The following DENND4A variants were observed in gnomAD, a reference collection of about 807,000 sequenced individuals.
DENND4A encodes C-myc promoter-binding protein.
A neutral mutation model predicts 199.3 loss-of-function variants in DENND4A; 70 were observed. That is an observed-to-expected ratio of 0.35 (90% CI 0.29 to 0.43). DENND4A has a LOEUF of 0.43. Ranked by LOEUF, DENND4A falls within the 20% of genes least tolerant of loss-of-function variation. DENND4A has a pLI of 1.00. For missense variants in DENND4A, 1,723 were observed against 2,255.8 expected, an observed-to-expected ratio of 0.76 and a Z score of 4.78; for synonymous variants, 686 against 766.9, an observed-to-expected ratio of 0.89 and a Z score of 1.74.
chr15:65,715,566 G>A lies in DENND4A; in HGVS notation c.1865C>T (p.Thr622Ile). 1 of 1,603,458 alleles carries A rather than the reference G, an allele frequency of 6.2e-7. No homozygotes were observed. The highest frequency in any genetic ancestry group is 8.5e-7 in the Non-Finnish European group (1 of 1,175,354). ...HQKFYNMMTK[T>I]QMFIRFIEEC... ...TTCAATGAAGCGAATAAACATTTGT[G>A]TTTTGGTCATCATGTTATAGAATTT... is the stretch of plus-strand genomic sequence containing the variant. The change falls in exon 14 of 33, where the codon ACA becomes ATA. Residue 622 changes from threonine to isoleucine, a missense_variant. Physicochemically the swap from Thr to Ile is moderately conservative, Grantham distance 89. This residue lies in a region of DENND4A where 725 missense variants were observed against 952.9 expected (regional missense o/e 0.76). Transcript: ENST00000443035.
rs528840017 is a variant in DENND4A, at chr15:65,724,002, T to C, written c.1488-1054A>G. On this transcript the variant is annotated intron_variant, in intron 11 of 32. Transcript: ENST00000443035. The stretch of plus-strand genomic sequence containing the variant: ...CATGGGGTAGGAGTAGAAAAGAGCA[T>C]GGTGATAAAGCATTGCAAAGCATTT... Among the ~76,000 whole-genome samples, 3 of 152,086 alleles carry C rather than the reference T, an allele frequency of 2.0e-5. No homozygotes were observed. The East Asian group carries it at 5.8e-4, about 29-fold the overall frequency.
chr15:65,685,054 T>C (rs2142013320), intron 23 of DENND4A, among the ~76,000 whole-genome samples: 1 of 152,122 alleles, frequency 6.6e-6, no homozygotes, highest in African/African-American at 2.4e-5. Context: ...CTTAAACTCC[T>C]GACCTCAGGG....
chr15:65,776,875 A>G (rs988763908), intron 1 of DENND4A, among the ~76,000 whole-genome samples: 2 of 152,220 alleles, frequency 1.3e-5, no homozygotes, highest in African/African-American at 4.8e-5. Context: ...CAGGGTAGTA[A>G]GAAAATAGCT....
chr15:65,787,538 AAAT>A (rs2077596120), intron 1 of DENND4A, among the ~76,000 whole-genome samples: 1 of 152,224 alleles, frequency 6.6e-6, no homozygotes, highest in Non-Finnish European at 1.5e-5. Context: ...CACATTTTAA[AAAT>A]AATAACGGCC....
chr15:65,698,137 A>G (rs1002230990), intron 20 of DENND4A, among the ~76,000 whole-genome samples: 3 of 151,978 alleles, frequency 2.0e-5, no homozygotes, highest in African/African-American at 7.2e-5. Context: ...GCATGCACCT[A>G]TAGACACTTC....
intron 23 of DENND4A, among the ~76,000 whole-genome samples, chr15:65,688,399 C>T (rs1302255665): frequency 6.6e-6 from 1 of 151,964 alleles, no homozygotes; most frequent in Non-Finnish European, 1.5e-5. Flanking sequence ...TCCTTTATAC[C>T]AAGTAATTTT....
At chr15:65,731,893 T>G (rs2075972383) in intron 8 of DENND4A, among the ~76,000 whole-genome samples, 193 bp from the exon 9 acceptor site, 1 of 152,104 alleles carries the variant, frequency 6.6e-6, no homozygotes, top group Admixed American at 6.5e-5. Context: ...CTACTAATTC[T>G]TCTTACTGTG....
intron 23 of DENND4A, among the ~76,000 whole-genome samples, chr15:65,680,004 G>A (rs2076517376): frequency 6.6e-6 from 1 of 152,006 alleles, no homozygotes. Context: ...GCCTGTCCTT[G>A]GTATCTCTCC....
rs114350755 is a variant in DENND4A, at chr15:65,755,140, C to A, written c.311+1000G>T. ...GAAAACATTATGCTAAGAAGTCAGT[C>A]AAAAAAGATCATATACATAGTATGA... On this transcript the variant is annotated intron_variant, in intron 3 of 32. Transcript: ENST00000443035. Among the ~76,000 whole-genome samples the A allele has an allele frequency of 2.0e-5, 3 of 151,926 alleles. No homozygotes were observed. In the South Asian group the frequency reaches 6.2e-4, roughly 31 times the overall value.
At chr15:65,702,599 CT>C in intron 16 of DENND4A, 88 bp from the exon 17 acceptor site, 2 of 1,141,204 alleles carry the variant, frequency 1.8e-6, no homozygotes, top group Non-Finnish European at 2.5e-6. Context: ...AAGTCACATG[CT>C]TTTATAATGT....
chr15:65,728,142 G>C (rs998748074), intron 11 of DENND4A, among the ~76,000 whole-genome samples: 2 of 151,920 alleles, frequency 1.3e-5, no homozygotes, highest in Non-Finnish European at 1.5e-5. Context: ...TGGAGTAGCT[G>C]GGATTACCTG....
intron 11 of DENND4A, among the ~76,000 whole-genome samples, chr15:65,725,030 GTTAC>G (rs1009039012): frequency 3.9e-5 from 6 of 152,148 alleles, no homozygotes; most frequent in African/African-American, 1.2e-4. Flanking sequence ...TCTAATTACT[GTTAC>G]TTACTGCTAT....
At position 65,702,375 on chromosome 15, in the gene DENND4A, A is replaced by C; in HGVS notation, c.2360T>G (p.Val787Gly). 6.4e-7 allele frequency: 1 copy of C among 1,556,516 alleles called. No homozygotes were observed. The highest frequency in any genetic ancestry group is 8.7e-7 in the Non-Finnish European group (1 of 1,149,674). The change falls in exon 17 of 33, where the codon GTC (valine) becomes GGC (glycine). Residue 787 changes from valine (V) to glycine (G), a missense_variant. Val to Gly is a moderately radical substitution (Grantham distance 109). Coordinates refer to ENST00000443035, the MANE Select transcript of DENND4A (RefSeq NM_001320835.1). The part of the protein sequence containing the change: ...PAYVKVCHSK[V>G]RALKTAYDVL... ...ATCATATGCTGTTTTCAGAGCCCTG[A>C]CTTTTGAATGACAGACTTTCACATA... is the stretch of plus-strand genomic sequence containing the variant.
intron 1 of DENND4A, among the ~76,000 whole-genome samples, chr15:65,769,889 C>T (rs2572217): frequency 0.2 from 30,120 of 151,718 alleles, 4,015 homozygotes; most frequent in East Asian, 0.73. Flanking sequence ...CACAGAAGAC[C>T]AGAAATCAAA....
Position 65,661,633 on chromosome 15 carries a change from TAAAG to T in DENND4A, c.*214_*217del, listed in dbSNP as rs965586563. Reference sequence around the variant, plus strand: ...ACTTTATTTCCTATTACAGGGGAGTTAAAGAAGAAGAAAAAAGAAATGAGAAACA... The same window carrying T: ...ACTTTATTTCCTATTACAGGGGAGTTAAGAAGAAAAAAGAAATGAGAAACA... On this transcript the variant is annotated 3_prime_UTR_variant, in exon 33 of 33. Transcript: ENST00000443035. 7.9e-6 allele frequency: 3 copies of T among 379,938 alleles called. No individual in the cohort carries two copies. The highest frequency in any genetic ancestry group is 4.2e-5 in the Admixed American group (1 of 23,730). The allele number at this position is 379,938 out of a possible 1,614,324, so 23.5% of individuals were successfully genotyped here.
At chr15:65,779,445 C>T (rs1262667854) in intron 1 of DENND4A, among the ~76,000 whole-genome samples, 7 of 134,342 alleles carry the variant, frequency 5.2e-5, no homozygotes, top group Non-Finnish European at 1.1e-4. Flanking sequence ...GAGACTCTGT[C>T]TCAAAAAAAA....
At position 65,700,556 on chromosome 15, in the gene DENND4A, T is replaced by C. The variant is rs1384674790; in HGVS notation, c.2821A>G (p.Arg941Gly). 16 of 1,526,144 alleles carry C rather than the reference T, an allele frequency of 1.0e-5. No individual in the cohort carries two copies. The highest frequency in any genetic ancestry group is 1.4e-5 in the Non-Finnish European group (16 of 1,134,624). 94.5% of individuals were successfully genotyped at this position (1,526,144 alleles called of 1,614,324 possible). A position where few individuals can be genotyped will look rare whatever the true frequency, so the allele number is the denominator to read the frequency against. Reference protein sequence around the residue: ...GLIKVYATDDRSSTGGQSDLG... With the variant: ...GLIKVYATDDGSSTGGQSDLG... ...AGCATACACAAACCTGTACTAGATCTATCATCAGTAGCATATACTTTGATT... is the reference window on the plus strand; with the variant it reads ...AGCATACACAAACCTGTACTAGATCCATCATCAGTAGCATATACTTTGATT... The change falls in exon 20 of 33, where the codon AGA becomes GGA. Residue 941 changes from arginine to glycine, a missense_variant. Transcript: ENST00000443035.
chr15:65,738,043 G>C, intron 6 of DENND4A, 98 bp from the exon 7 acceptor site: 1 of 1,214,570 alleles, frequency 8.2e-7, no homozygotes, highest in Non-Finnish European at 1.1e-6. Flanking sequence ...TATGAGCCAG[G>C]TGAGAGGCCA....
intron 12 of DENND4A, among the ~76,000 whole-genome samples, chr15:65,720,947 T>TTCTATATATATATATATATA (rs1435137020): frequency 5.8e-4 from 44 of 76,264 alleles, no homozygotes; most frequent in Non-Finnish European, 6.9e-4. Context: ...GTTTCATTGA[T>TTCTATATATATATATATATA]TATATATATA....
Sources: allele counts gnomAD v4.1 joint callset (sites outside exome capture counted in the v4.1 genomes callset), GRCh38; gene constraint gnomAD v4.1.1; regional missense constraint gnomAD v4.1.1; transcripts MANE v1.5; gene names NCBI Gene and HGNC (gene_info 2026-07-23, HGNC 2026-07-21).